The following FLRT1 variants were observed in gnomAD, a reference collection of about 807,000 sequenced individuals.
FLRT1 encodes fibronectin leucine rich transmembrane protein 1, also known as leucine-rich repeat transmembrane protein FLRT1.
FLRT1 carries 14 observed loss-of-function variants against 30.9 expected under a neutral mutation model. That is an observed-to-expected ratio of 0.45 (90% confidence interval 0.30 to 0.71). The LOEUF (loss-of-function observed/expected upper bound fraction) is 0.71, where lower values mean the gene tolerates loss of function less well. Ranked by LOEUF, FLRT1 falls within the 30% of genes least tolerant of loss-of-function variation. FLRT1 has a pLI of 0.08. For synonymous variants in FLRT1, 368 were observed against 430.4 expected (o/e 0.85, Z 1.80); for missense variants, 737 against 949.2 (o/e 0.78, Z 2.94).
Position 64,082,394 on chromosome 11 carries a change from G to A in FLRT1, c.-1037-20800G>A, listed in dbSNP as rs1362037484. Among the ~76,000 whole-genome samples the A allele has an allele frequency of 6.6e-6, 1 of 151,986 alleles. No homozygotes were observed. Among genetic ancestry groups the A allele is most frequent in the Non-Finnish European group, 1.5e-5 (1 of 67,976 alleles). ...TGGCTGGAGTGATTGATGGCTGGGA[G>A]GGAGCCTGAAGTGGGGGCGTCCTAA... On this transcript the variant is annotated intron_variant, in intron 1 of 2. Coordinates refer to ENST00000682287, the MANE Select transcript of FLRT1 (RefSeq NM_013280.5). The surrounding 1 kb of genome is among the most constrained non-coding windows in gnomAD (Gnocchi z 4.5).
chr11:64,039,261 G>A (rs1943440055), intron 1 of FLRT1, among the ~76,000 whole-genome samples: 1 of 152,112 alleles, frequency 6.6e-6, no homozygotes, highest in Non-Finnish European at 1.5e-5. Flanking sequence ...TGGCGAGGGT[G>A]CTAACTGCCT....
At chr11:64,059,917 C>T (rs1011955932) in intron 1 of FLRT1, among the ~76,000 whole-genome samples, 2 of 152,082 alleles carry the variant, frequency 1.3e-5, no homozygotes, top group Non-Finnish European at 2.9e-5. Flanking sequence ...CTGGCAACCG[C>T]GACCTCCTGA....
intron 1 of FLRT1, among the ~76,000 whole-genome samples, chr11:64,058,129 G>GC (rs1287022783): frequency 1.3e-5 from 2 of 152,256 alleles, no homozygotes; most frequent in East Asian, 1.9e-4. Flanking sequence ...CCTTACTGCA[G>GC]CCCCCAGCGA....
intron 2 of FLRT1, among the ~76,000 whole-genome samples, chr11:64,106,296 C>T (rs553016932): frequency 6.6e-6 from 1 of 152,038 alleles, no homozygotes; most frequent in African/African-American, 2.4e-5. Flanking sequence ...GTCACCATGA[C>T]GTCCTGGGGT....
chr11:64,048,929 A>G (rs920806069), intron 1 of FLRT1, among the ~76,000 whole-genome samples: 14 of 151,756 alleles, frequency 9.2e-5, no homozygotes, highest in East Asian at 1.9e-4. Context: ...CAGACCCTCA[A>G]AGCAGTCTGG....
intron 1 of FLRT1, among the ~76,000 whole-genome samples, chr11:64,101,318 C>T (rs1944667050): frequency 1.3e-5 from 2 of 152,130 alleles, no homozygotes; most frequent in African/African-American, 2.4e-5. Context: ...AGCTATGGGA[C>T]GCTCTCAGGA....
chr11:64,066,294 C>CAAAA (rs59963244), intron 1 of FLRT1, among the ~76,000 whole-genome samples: 5 of 50,936 alleles, frequency 9.8e-5, no homozygotes, highest in Non-Finnish European at 1.3e-4. Context: ...GAGACTGTCT[C>CAAAA]AAAAAAAAAA....
intron 1 of FLRT1, among the ~76,000 whole-genome samples, chr11:64,061,196 C>T (rs1274273437): frequency 6.6e-6 from 1 of 152,226 alleles, no homozygotes; most frequent in Non-Finnish European, 1.5e-5. Flanking sequence ...GTAAATAAGT[C>T]CCCCGCTTCT....
rs559615919 is a variant in FLRT1 at position 64,117,334 on chromosome 11, T to C, written c.1067T>C (p.Met356Thr). Residue 356 changes from methionine to threonine, a missense_variant, in exon 3 of 3, where the codon ATG (methionine) becomes ACG (threonine). Met to Thr is a moderately conservative substitution (Grantham distance 81). Coordinates refer to ENST00000682287, the MANE Select transcript of FLRT1 (RefSeq NM_013280.5). ...RAAVVNVRGL[M>T]CQGPEKVRGM... Reference sequence around the variant, plus strand: ...GCCGTGGTCAACGTGCGGGGCCTCATGTGCCAGGGCCCTGAGAAGGTCCGG... The same window carrying C: ...GCCGTGGTCAACGTGCGGGGCCTCACGTGCCAGGGCCCTGAGAAGGTCCGG... 8 of 1,613,942 alleles carry C rather than the reference T, an allele frequency of 5.0e-6. No individual in the cohort carries two copies. The Admixed American group carries it at 8.3e-5, about 17-fold the overall frequency.
chr11:64,037,660 T>TGC (rs1943408169), intron 1 of FLRT1, among the ~76,000 whole-genome samples: 1 of 152,096 alleles, frequency 6.6e-6, no homozygotes, highest in Non-Finnish European at 1.5e-5. Flanking sequence ...TGTGTGTGTG[T>TGC]GCGCACCCAG....
At chr11:64,054,971 T>C (rs1943757953) in intron 1 of FLRT1, among the ~76,000 whole-genome samples, 2 of 152,166 alleles carry the variant, frequency 1.3e-5, no homozygotes, top group Non-Finnish European at 1.5e-5. Flanking sequence ...CAGGATCTCC[T>C]ACCAGCCCTT....
At chr11:64,053,814 G>GC (rs1590844166) in intron 1 of FLRT1, among the ~76,000 whole-genome samples, 1 of 152,144 alleles carries the variant, frequency 6.6e-6, no homozygotes, top group African/African-American at 2.4e-5. Flanking sequence ...CCCCTTGCCT[G>GC]CCCGCAGATG....
Position 64,036,416 on chromosome 11 carries a change from C to T in FLRT1, c.-1038+257C>T, listed in dbSNP as rs568337732. Among the ~76,000 whole-genome samples the T allele has an allele frequency of 1.8e-4, 28 of 152,254 alleles. No homozygotes were observed. Among genetic ancestry groups the T allele is most frequent in the African/African-American group, 6.3e-4 (26 of 41,566 alleles). On this transcript the variant is annotated intron_variant, in intron 1 of 2. Coordinates refer to ENST00000682287, the MANE Select transcript of FLRT1 (RefSeq NM_013280.5). The surrounding 1 kb of genome is among the most constrained non-coding windows in gnomAD (Gnocchi z 5.6). ...GAGGCGCGGGGTGCGCGGCCGGCGG[C>T]TCAGCTCTCCCGAGCCGAGGCTGGA... is the stretch of plus-strand genomic sequence containing the variant.
At chr11:64,068,443 T>C (rs1490042295) in intron 1 of FLRT1, among the ~76,000 whole-genome samples, 1 of 152,176 alleles carries the variant, frequency 6.6e-6, no homozygotes, top group Non-Finnish European at 1.5e-5. Context: ...TAGCAAGGAA[T>C]AAAAGAGTCT....
rs1269046879 is a variant in FLRT1, at chr11:64,036,279, G to C, written c.-1038+120G>C. On this transcript the variant is annotated intron_variant, in intron 1 of 2. Coordinates refer to ENST00000682287, the MANE Select transcript of FLRT1 (RefSeq NM_013280.5). The surrounding 1 kb of genome is among the most constrained non-coding windows in gnomAD (Gnocchi z 5.6). ...GAAGCGCCACGGGGTCAGGCAGCCT[G>C]GCTTTGCCCCAGAGCGGCGGGAGAT... is the stretch of plus-strand genomic sequence containing the variant. 6.6e-6 allele frequency: 1 copy of C among 152,288 alleles called. No homozygotes were observed. Among genetic ancestry groups the C allele is most frequent in the African/African-American group, 2.4e-5 (1 of 41,448 alleles). The allele number at this position is 152,288 out of a possible 1,614,324, so 9.4% of individuals were successfully genotyped here.
At position 64,117,942 on chromosome 11, in the gene FLRT1, G is replaced by A. The variant is rs760989622; in HGVS notation, c.1675G>A (p.Gly559Arg). 8 of 1,613,734 alleles carry A rather than the reference G, an allele frequency of 5.0e-6. No homozygotes were observed. The highest frequency in any genetic ancestry group is 1.1e-5 in the South Asian group (1 of 91,088). ...ASLPLAGIIG[G>R]AVALVFLFLV... ...CCTGCCCCTGGCGGGCATCATCGGC[G>A]GGGCAGTGGCTCTGGTCTTCCTCTT... Residue 559 changes from glycine (G) to arginine (R), a missense_variant, in exon 3 of 3, where the codon GGG becomes AGG. Gly to Arg is a moderately radical substitution (Grantham distance 125). Coordinates refer to ENST00000682287, the MANE Select transcript of FLRT1 (RefSeq NM_013280.5).
At chr11:64,109,009 G>A (rs1006814202) in intron 2 of FLRT1, among the ~76,000 whole-genome samples, 2 of 152,158 alleles carry the variant, frequency 1.3e-5, no homozygotes, top group Admixed American at 6.5e-5. Flanking sequence ...ATCCATGCAC[G>A]TGAGCATGTA....
Position 64,118,967 on chromosome 11 carries a change from C to A in FLRT1, c.*675C>A, listed in dbSNP as rs1945048800. Reference sequence around the variant, plus strand: ...AACTTTTTTTTCCTAGGCTGAAGCCCTCTTCAGTTCCATGCACCACGCTCC... The same window carrying A: ...AACTTTTTTTTCCTAGGCTGAAGCCATCTTCAGTTCCATGCACCACGCTCC... On this transcript the variant is annotated 3_prime_UTR_variant, in exon 3 of 3. Transcript: ENST00000682287. The A allele has an allele frequency of 6.0e-6, 1 of 167,062 alleles. No individual in the cohort carries two copies. The highest frequency in any genetic ancestry group is 6.5e-5 in the Admixed American group (1 of 15,278). The allele number at this position is 167,062 out of a possible 1,614,324, so 10.3% of individuals were successfully genotyped here.
At chr11:64,106,040 C>G (rs1203547392) in intron 2 of FLRT1, among the ~76,000 whole-genome samples, 1 of 152,128 alleles carries the variant, frequency 6.6e-6, no homozygotes, top group Non-Finnish European at 1.5e-5. Flanking sequence ...TGGAGACAGA[C>G]AGGCAGTTGG....
Sources: allele counts gnomAD v4.1 joint callset (sites outside exome capture counted in the v4.1 genomes callset), GRCh38; gene constraint gnomAD v4.1.1; non-coding constraint Gnocchi (gnomAD v3.1); transcripts MANE v1.5; gene names NCBI Gene and HGNC (gene_info 2026-07-23, HGNC 2026-07-21).